The following ZNF674 variants were observed in gnomAD, a reference collection of about 807,000 sequenced individuals.
ZNF674 encodes the protein zinc finger family member 674.
ZNF674 carries 2 observed loss-of-function variants against 7.0 expected under a neutral mutation model. The ratio of observed to expected loss-of-function variants is 0.29; its 90% confidence interval spans 0.12 to 0.90. ZNF674 has a LOEUF of 0.90. ZNF674 is among the 40% of genes least tolerant of loss of function. The pLI is 0.57. For missense variants in ZNF674, 297 were observed against 415.5 expected (o/e 0.71, Z 2.48); for synonymous variants, 103 against 145.2 (o/e 0.71, Z 2.09).
At chrX:46,529,095 A>C in intron 3 of ZNF674, 186 bp from the exon 4 acceptor site, 3 of 801,294 alleles carry the variant, frequency 3.7e-6, no homozygotes, top group Non-Finnish European at 5.3e-6. Flanking sequence ...ACAGAGCCTA[A>C]ATAACCAGTC....
At chrX:46,515,654 C>A (rs886379729) in intron 5 of ZNF674, among the ~76,000 whole-genome samples, 46 of 111,255 alleles carry the variant, frequency 4.1e-4, no homozygotes, top group African/African-American at 1.4e-3. Context: ...TGCTCTATCA[C>A]CCAGGCTAGA....
intron 5 of ZNF674, among the ~76,000 whole-genome samples, chrX:46,513,798 G>A (rs1015289883): frequency 1.8e-5 from 2 of 111,572 alleles, no homozygotes; most frequent in African/African-American, 6.5e-5. Flanking sequence ...GGGTGTGGTG[G>A]CTCACATCTG....
At chrX:46,533,241 A>G (rs988641752) in intron 3 of ZNF674, among the ~76,000 whole-genome samples, 13 of 111,004 alleles carry the variant, frequency 1.2e-4, no homozygotes, top group African/African-American at 4.3e-4. Context: ...GCCAACCTCC[A>G]CCAACCGGTC....
chrX:46,531,826 A>G (rs1278361083), intron 3 of ZNF674, among the ~76,000 whole-genome samples: 3 of 110,752 alleles, frequency 2.7e-5, no homozygotes, highest in Non-Finnish European at 5.7e-5. Flanking sequence ...AACTTAAAGT[A>G]TAATAAAAAA....
intron 5 of ZNF674, among the ~76,000 whole-genome samples, chrX:46,511,080 T>A (rs1941644973): frequency 8.9e-6 from 1 of 112,128 alleles, no homozygotes; most frequent in Non-Finnish European, 1.9e-5. Flanking sequence ...ATGCTGCTTA[T>A]TATTTTATTA....
intron 5 of ZNF674, among the ~76,000 whole-genome samples, chrX:46,520,520 C>T (rs897134439): frequency 5.4e-5 from 6 of 111,578 alleles, no homozygotes; most frequent in African/African-American, 2.0e-4. Flanking sequence ...TACAGTTCTG[C>T]AAGATGTTAC....
intron 3 of ZNF674, among the ~76,000 whole-genome samples, chrX:46,541,021 G>A (rs5952904): frequency 0.28 from 26,968 of 95,616 alleles, 3,032 homozygotes; most frequent in Middle Eastern, 0.42. Flanking sequence ...CCGAGATCAC[G>A]CCACTGCACC....
chrX:46,544,750 C>G (rs916628789), intron 1 of ZNF674, 139 bp from the exon 2 acceptor site: 11 of 112,240 alleles, frequency 9.8e-5, no homozygotes, highest in Non-Finnish European at 2.1e-4. Flanking sequence ...AGTTAACATT[C>G]ATGCACAGCT....
intron 5 of ZNF674, among the ~76,000 whole-genome samples, chrX:46,504,821 A>G (rs1941499827): frequency 9.0e-6 from 1 of 111,042 alleles, no homozygotes; most frequent in African/African-American, 3.3e-5. Flanking sequence ...AGGAGGGGAA[A>G]AATGGGACTT....
intron 3 of ZNF674, chrX:46,529,671 A>AG (rs1473282868): frequency 4.6e-5 from 5 of 108,278 alleles, no homozygotes; most frequent in Non-Finnish European, 9.6e-5. Context: ...TCCATCTCAA[A>AG]AAAAAAAAAA....
intron 5 of ZNF674, among the ~76,000 whole-genome samples, chrX:46,519,266 A>ATGATT (rs1488956816): frequency 1.4e-5 from 1 of 70,731 alleles, no homozygotes; most frequent in Admixed American, 1.6e-4. Context: ...AGATAGATAA[A>ATGATT]GATAGATGAT....
In ZNF674 at chrX:46,498,379, T is replaced by C. The variant is rs943807761; in HGVS notation, c.*1464A>G. 1 of 111,737 alleles carries C rather than the reference T, an allele frequency of 8.9e-6. No homozygotes were observed. Among genetic ancestry groups the C allele is most frequent in the Non-Finnish European group, 1.9e-5 (1 of 53,239 alleles). 9.2% of individuals were successfully genotyped at this position (111,737 alleles called of 1,213,427 possible). A position where few individuals can be genotyped will look rare whatever the true frequency, so the allele number is the denominator to read the frequency against. ...AAGGAAAGTATGTAAAAGCTTACTA[T>C]GTGCCCTTTCTGTAATGGCTTTGCA... On this transcript the variant is annotated 3_prime_UTR_variant, in exon 6 of 6. Coordinates refer to ENST00000683375, the MANE Select transcript of ZNF674 (RefSeq NM_001190417.2).
At chrX:46,539,413 A>G (rs187147591) in intron 3 of ZNF674, among the ~76,000 whole-genome samples, 1 of 112,556 alleles carries the variant, frequency 8.9e-6, no homozygotes, top group East Asian at 2.8e-4. Context: ...ATGCACATGA[A>G]TCTGACCTAG....
In ZNF674 at chrX:46,508,104, G is replaced by C. The variant is rs143089401; in HGVS notation, c.239-6769C>G. Reference sequence around the variant, plus strand: ...AATACTGCCTTAGGTTGGTAAATCGGACATCTCAGATGAAACATAATGGTC... The same window carrying C: ...AATACTGCCTTAGGTTGGTAAATCGCACATCTCAGATGAAACATAATGGTC... On this transcript the variant is annotated intron_variant, in intron 5 of 5. Coordinates refer to ENST00000683375, the MANE Select transcript of ZNF674 (RefSeq NM_001190417.2). 3.8e-3 allele frequency among the ~76,000 whole-genome samples: 424 copies of C among 110,901 alleles called. 4 individuals carry two copies. Among genetic ancestry groups the C allele is most frequent in the African/African-American group, 0.013 (409 of 30,578 alleles).
rs747153062 is a variant in ZNF674, at chrX:46,500,097, C to A, written c.1477G>T (p.Glu493Ter). The change falls in exon 6 of 6, where the codon GAA becomes TAA. Residue 493 changes from glutamate (E) to a stop codon, truncating the protein, a stop_gained. Transcript: ENST00000683375. LOFTEE classifies it low-confidence loss of function (END_TRUNC). ...AAGGCTTTTTTACAGTCAGTGCATT[C>A]ATAGGGTCTCTCTCCTGTATGAATT... ...QRIHTGERPY[E>*]CTDCKKAFSR... 1.7e-6 allele frequency: 2 copies of A among 1,211,687 alleles called. No homozygotes were observed. The highest frequency in any genetic ancestry group is 3.0e-5 in the East Asian group (1 of 33,825).
chrX:46,518,821 G>A (rs138958906), intron 5 of ZNF674, among the ~76,000 whole-genome samples: 2,733 of 108,434 alleles, frequency 0.025, 86 homozygotes, highest in African/African-American at 0.086. Context: ...GGAAGGCGGA[G>A]TTTGCAGTGA....
At chrX:46,506,566 T>C (rs1253473842) in intron 5 of ZNF674, among the ~76,000 whole-genome samples, 2 of 111,504 alleles carry the variant, frequency 1.8e-5, no homozygotes, top group Non-Finnish European at 3.8e-5. Flanking sequence ...AAAAATTATA[T>C]CAAGTATCAA....
At chrX:46,503,226 TC>T (rs1421274013) in intron 5 of ZNF674, among the ~76,000 whole-genome samples, 2 of 112,406 alleles carry the variant, frequency 1.8e-5, no homozygotes, top group Non-Finnish European at 3.8e-5. Context: ...AAGAATAATA[TC>T]TTCTCTGTCC....
chrX:46,542,920 C>T (rs1182131271), intron 2 of ZNF674, among the ~76,000 whole-genome samples: 1 of 110,193 alleles, frequency 9.1e-6, no homozygotes, highest in Non-Finnish European at 1.9e-5. Flanking sequence ...GCAATATGTA[C>T]AAATATGAAG....
Sources: gnomAD v4.1 joint callset for allele counts (sites outside exome capture counted in the v4.1 genomes callset) on GRCh38, gnomAD v4.1.1 for gene constraint, MANE v1.5 for transcripts, NCBI Gene and HGNC (gene_info 2026-07-23, HGNC 2026-07-21) for gene names.